SUGCT: variants seen among roughly 807,000 people sequenced by gnomAD.
SUGCT encodes succinyl-CoA:glutarate CoA-transferase.
SUGCT carries 41 observed loss-of-function variants against 55.0 expected under a neutral mutation model. The ratio of observed to expected loss-of-function variants is 0.74; its 90% confidence interval spans 0.58 to 0.97. The LOEUF (loss-of-function observed/expected upper bound fraction) is 0.97, where lower values mean the gene tolerates loss of function less well. SUGCT is among the 50% of genes least tolerant of loss of function. SUGCT has a pLI of 0.00. For synonymous variants in SUGCT, 187 were observed against 200.4 expected (o/e 0.93, Z 0.56); for missense variants, 568 against 547.8 (o/e 1.04, Z -0.37).
intron 5 of SUGCT, among the ~76,000 whole-genome samples, chr7:40,194,214 T>C (rs150938386): frequency 4.5e-4 from 68 of 152,284 alleles, no homozygotes; most frequent in Non-Finnish European, 7.9e-4. Context: ...GTGCATGTTA[T>C]AATGAGGAAT....
At chr7:40,460,338 G>A (rs1789723949) in intron 11 of SUGCT, among the ~76,000 whole-genome samples, 1 of 152,170 alleles carries the variant, frequency 6.6e-6, no homozygotes, top group South Asian at 2.1e-4. Context: ...ATGGAGAACT[G>A]GGTGCCCTTT....
chr7:40,960,137 T>A, the SUGCT span, among the ~76,000 whole-genome samples: 1 of 152,138 alleles, frequency 6.6e-6, no homozygotes, highest in Non-Finnish European at 1.5e-5. Context: ...TGCCTGGAAA[T>A]CCCTCAGAAA....
chr7:40,921,257 A>G, the SUGCT span, among the ~76,000 whole-genome samples: 3 of 152,106 alleles, frequency 2.0e-5, no homozygotes, highest in South Asian at 2.1e-4. Context: ...AAAATAATAT[A>G]TTATTTGGAA....
chr7:40,902,980 T>C, the SUGCT span, among the ~76,000 whole-genome samples: 1 of 152,158 alleles, frequency 6.6e-6, no homozygotes, highest in Non-Finnish European at 1.5e-5. Flanking sequence ...TTTCCCCAAG[T>C]TCAGATCTCC....
At chr7:40,763,882 A>G (rs1455294332) in intron 13 of SUGCT, among the ~76,000 whole-genome samples, 5 of 152,140 alleles carry the variant, frequency 3.3e-5, no homozygotes, top group Non-Finnish European at 7.4e-5. Flanking sequence ...GCATTGTGGA[A>G]TGTCCCAGGA....
In SUGCT at chr7:40,217,686, T is replaced by G. The variant is rs370991488; in HGVS notation, c.485-19949T>G. On this transcript the variant is annotated intron_variant, in intron 6 of 13. Coordinates refer to ENST00000335693, the MANE Select transcript of SUGCT (RefSeq NM_001193313.2). ...GAAACAGAAAAGTGGATGGGACTGA[T>G]GGAAAACCCAAATTTGGGTTTCAGA... Among the ~76,000 whole-genome samples the G allele has an allele frequency of 6.0e-4, 91 of 152,292 alleles. 2 individuals carry two copies. The South Asian group carries it at 0.017, about 29-fold the overall frequency.
the SUGCT span, among the ~76,000 whole-genome samples, chr7:40,898,694 G>C: frequency 2.9e-4 from 44 of 151,278 alleles, 1 homozygote; most frequent in Admixed American, 2.0e-3. Flanking sequence ...GCGAGACTCC[G>C]TCTAAAAAAA....
chr7:40,319,082 T>A (rs913729042), intron 9 of SUGCT, among the ~76,000 whole-genome samples: 2 of 152,214 alleles, frequency 1.3e-5, no homozygotes, highest in East Asian at 3.8e-4. Flanking sequence ...TGTGTCTGTG[T>A]TTGTCTGTTC....
intron 12 of SUGCT, among the ~76,000 whole-genome samples, chr7:40,511,893 A>T (rs558004169): frequency 6.6e-6 from 1 of 152,186 alleles, no homozygotes; most frequent in Non-Finnish European, 1.5e-5. Context: ...ATATTTCTTC[A>T]TCATACTTGA....
intron 13 of SUGCT, among the ~76,000 whole-genome samples, chr7:40,791,047 A>G (rs2128744779): frequency 6.6e-6 from 1 of 152,340 alleles, no homozygotes; most frequent in East Asian, 1.9e-4. Context: ...AGAGAGAGCT[A>G]TTTTGCAAAG....
At chr7:40,867,367 G>A in the SUGCT span, among the ~76,000 whole-genome samples, 1 of 151,448 alleles carries the variant, frequency 6.6e-6, no homozygotes, top group Non-Finnish European at 1.5e-5. Context: ...TGGGGAGAGA[G>A]CAAGAGAGAG....
At chr7:40,206,251 T>A (rs1414684004) in intron 6 of SUGCT, among the ~76,000 whole-genome samples, 1 of 152,102 alleles carries the variant, frequency 6.6e-6, no homozygotes, top group Non-Finnish European at 1.5e-5. Flanking sequence ...AAGAAAAAAA[T>A]TTTATACTTA....
intron 12 of SUGCT, among the ~76,000 whole-genome samples, chr7:40,714,259 G>A (rs1349088386): frequency 1.3e-5 from 2 of 152,102 alleles, no homozygotes; most frequent in East Asian, 3.9e-4. Context: ...GAACTCAGGA[G>A]GCGGGTTGCA....
chr7:40,338,798 C>T (rs557428225), intron 9 of SUGCT, among the ~76,000 whole-genome samples: 111 of 152,232 alleles, frequency 7.3e-4, no homozygotes, highest in Non-Finnish European at 1.3e-3. Context: ...CAAGGAGCTG[C>T]ATTCCTTTGT....
At chr7:40,656,783 G>C (rs887558480) in intron 12 of SUGCT, among the ~76,000 whole-genome samples, 9 of 152,204 alleles carry the variant, frequency 5.9e-5, no homozygotes, top group Admixed American at 5.2e-4. Context: ...GATCTCCCGA[G>C]GGCCAGAGAT....
At chr7:40,898,895 C>A in the SUGCT span, among the ~76,000 whole-genome samples, 1 of 148,858 alleles carries the variant, frequency 6.7e-6, no homozygotes, top group African/African-American at 2.4e-5. Context: ...TCAAAACTTC[C>A]TAGGTACATG....
At chr7:40,500,141 A>T (rs1016307025) in intron 12 of SUGCT, among the ~76,000 whole-genome samples, 31 of 152,130 alleles carry the variant, frequency 2.0e-4, no homozygotes, top group African/African-American at 7.5e-4. Flanking sequence ...ACCATCTTTG[A>T]TTAAACTGCT....
chr7:41,024,928 G>T, the SUGCT span, among the ~76,000 whole-genome samples: 1 of 152,134 alleles, frequency 6.6e-6, no homozygotes, highest in Non-Finnish European at 1.5e-5. Context: ...CCTAAGACAT[G>T]GGCGTGTATA....
chr7:40,572,858 T>A (rs1796526665), intron 12 of SUGCT, among the ~76,000 whole-genome samples: 1 of 152,070 alleles, frequency 6.6e-6, no homozygotes, highest in Admixed American at 6.5e-5. Context: ...ATTGGTAGCA[T>A]CCATTGTGGC....
Sources: gnomAD v4.1 joint callset for allele counts (sites outside exome capture counted in the v4.1 genomes callset) on GRCh38, gnomAD v4.1.1 for gene constraint, MANE v1.5 for transcripts, NCBI Gene and HGNC (gene_info 2026-07-23, HGNC 2026-07-21) for gene names.